Variants in C6orf89 observed in about 807,000 individuals in gnomAD.
C6orf89 encodes the protein bombesin receptor-activated protein C6orf89.
Under a neutral mutation model 40.7 loss-of-function variants are expected in C6orf89, and 29 were observed. The observed-to-expected ratio is 0.71, with a 90% CI of 0.53 to 0.97. The LOEUF (loss-of-function observed/expected upper bound fraction) is 0.97, where lower values mean the gene tolerates loss of function less well. Ranked by LOEUF, C6orf89 falls within the 50% of genes least tolerant of loss-of-function variation. The pLI, the probability that C6orf89 is intolerant of heterozygous loss-of-function variation, is 0.00. For synonymous variants in C6orf89, 165 were observed against 152.2 expected (o/e 1.08, Z -0.62); for missense variants, 392 against 429.1 (o/e 0.91, Z 0.76).
chr6:36,881,502 G>A (rs556492071), upstream of C6orf89, among the ~76,000 whole-genome samples: 7 of 152,196 alleles, frequency 4.6e-5, no homozygotes, highest in East Asian at 1.9e-4. Flanking sequence ...GTGAAATGCC[G>A]TTTCTACTAA....
chr6:36,898,055 C>T (rs1761508057), intron 2 of C6orf89, among the ~76,000 whole-genome samples: 1 of 152,028 alleles, frequency 6.6e-6, no homozygotes, highest in African/African-American at 2.4e-5. Context: ...ACTTAAACAC[C>T]TTTTTAAATA....
At chr6:36,920,382 T>C (rs1762471371) in intron 8 of C6orf89, among the ~76,000 whole-genome samples, 1 of 152,246 alleles carries the variant, frequency 6.6e-6, no homozygotes. Flanking sequence ...CAGCCGAGTT[T>C]TCTTGGAAGA....
intron 1 of C6orf89, among the ~76,000 whole-genome samples, chr6:36,876,495 C>T (rs563483551): frequency 1.1e-4 from 16 of 152,138 alleles, no homozygotes; most frequent in East Asian, 3.9e-4. Flanking sequence ...GAGGCCGAGG[C>T]GGGCAGATCA....
At chr6:36,879,997 G>A (rs1306321469) in intron 2 of C6orf89, among the ~76,000 whole-genome samples, 1 of 152,178 alleles carries the variant, frequency 6.6e-6, no homozygotes, top group Non-Finnish European at 1.5e-5. Context: ...TCACACTGGC[G>A]GTTCCAGTTC....
intron 8 of C6orf89, among the ~76,000 whole-genome samples, chr6:36,922,719 T>G (rs1170721618): frequency 1.3e-5 from 2 of 152,248 alleles, no homozygotes; most frequent in Non-Finnish European, 2.9e-5. Context: ...AGGACACTAC[T>G]GTTTGCCAAA....
chr6:36,885,242 C>T (rs745431203), upstream of C6orf89, among the ~76,000 whole-genome samples: 7 of 152,238 alleles, frequency 4.6e-5, no homozygotes, highest in Non-Finnish European at 8.8e-5. Context: ...CAACCACTCA[C>T]AGCCTGCTGA....
chr6:36,916,787 T>C (rs563186853), intron 7 of C6orf89, among the ~76,000 whole-genome samples: 1 of 152,328 alleles, frequency 6.6e-6, no homozygotes, highest in Admixed American at 6.5e-5. Context: ...AAAATCTAGT[T>C]ACCTTGCAAA....
intron 4 of C6orf89, among the ~76,000 whole-genome samples, chr6:36,906,862 A>C (rs1242370687): frequency 6.6e-6 from 1 of 152,240 alleles, no homozygotes; most frequent in Non-Finnish European, 1.5e-5. Flanking sequence ...GAACTTTGTC[A>C]TGGGCTTTGC....
At chr6:36,907,177 A>G (rs1232143483) in intron 4 of C6orf89, among the ~76,000 whole-genome samples, 1 of 152,146 alleles carries the variant, frequency 6.6e-6, no homozygotes, top group Non-Finnish European at 1.5e-5. Flanking sequence ...AACAAAACAG[A>G]CAAAACCACT....
Position 36,914,330 on chromosome 6 carries a change from G to A in C6orf89, c.450G>A (p.Glu150=). ...ACGACTGTGAGCAGAATGAGTCAGA[G>A]CCCATTCCTGCCAACTGCACTGGCT... ...WTNDCEQNES[E]PIPANCTGCA... Residue 150 remains glutamate (E), a synonymous_variant, in exon 5 of 9, where the codon GAG becomes GAA. Coordinates refer to ENST00000480824, the MANE Select transcript of C6orf89 (RefSeq NM_001286635.2). 1.2e-6 allele frequency: 2 copies of A among 1,614,150 alleles called. No homozygotes were observed. Among genetic ancestry groups the A allele is most frequent in the Non-Finnish European group, 1.7e-6 (2 of 1,180,028 alleles).
At chr6:36,921,912 C>A (rs1583206353) in intron 8 of C6orf89, among the ~76,000 whole-genome samples, 2 of 152,260 alleles carry the variant, frequency 1.3e-5, no homozygotes, top group Middle Eastern at 6.8e-3. Flanking sequence ...CCTGTAGTTC[C>A]AGCTACTCAG....
intron 1 of C6orf89, among the ~76,000 whole-genome samples, chr6:36,878,381 C>T (rs893194486): frequency 1.3e-5 from 2 of 152,184 alleles, no homozygotes; most frequent in African/African-American, 2.4e-5. Flanking sequence ...AGAGATTTGG[C>T]GCTACACACA....
chr6:36,908,598 G>A (rs1251536291), intron 4 of C6orf89, among the ~76,000 whole-genome samples: 1 of 151,992 alleles, frequency 6.6e-6, no homozygotes, highest in Non-Finnish European at 1.5e-5. Flanking sequence ...TATATAAATA[G>A]AAATACTTTT....
chr6:36,914,482 G>T, intron 5 of C6orf89, 47 bp downstream of exon 5: 1 of 1,612,518 alleles, frequency 6.2e-7, no homozygotes, highest in Non-Finnish European at 8.5e-7. Flanking sequence ...TTGCTTAAAG[G>T]CTAGGTCAAG....
intron 1 of C6orf89, among the ~76,000 whole-genome samples, chr6:36,889,575 A>G (rs1010163258): frequency 3.4e-5 from 5 of 146,596 alleles, no homozygotes; most frequent in Non-Finnish European, 6.1e-5. Context: ...AGACCAAAAA[A>G]CAAAAACAAA....
rs750328979 is a variant in C6orf89, at chr6:36,902,332, A to G, written c.301A>G (p.Ile101Val). The change falls in exon 4 of 9, where the codon ATC becomes GTC. Residue 101 changes from isoleucine to valine, a missense_variant. Transcript: ENST00000480824. ...TGGAGCTCACACCTGGCGCTCACTC[A>G]TCCATCACATTAGGCTGATGTCCTT... ...LSGAHTWRSL[I>V]HHIRLMSLPI... 6.2e-7 allele frequency: 1 copy of G among 1,614,158 alleles called. No individual in the cohort carries two copies. The highest frequency in any genetic ancestry group is 1.3e-5 in the African/African-American group (1 of 75,032).
At chr6:36,915,026 G>C (rs1762265483) in intron 6 of C6orf89, among the ~76,000 whole-genome samples, 2 of 152,118 alleles carry the variant, frequency 1.3e-5, no homozygotes. Flanking sequence ...CTTAGCGTGC[G>C]AGTAGGAAAG....
chr6:36,891,395 G>A (rs796542249), intron 1 of C6orf89, among the ~76,000 whole-genome samples: 6 of 152,268 alleles, frequency 3.9e-5, no homozygotes, highest in African/African-American at 1.2e-4. Context: ...GTCTATCATT[G>A]ATGGACATTT....
chr6:36,895,505 T>A (rs988738854), intron 2 of C6orf89, among the ~76,000 whole-genome samples: 1 of 152,192 alleles, frequency 6.6e-6, no homozygotes, highest in Non-Finnish European at 1.5e-5. Context: ...TATATCTCTA[T>A]AGATTTGCCT....
Sources: allele counts gnomAD v4.1 joint callset (sites outside exome capture counted in the v4.1 genomes callset), GRCh38; gene constraint gnomAD v4.1.1; transcripts MANE v1.5; gene names NCBI Gene and HGNC (gene_info 2026-07-23, HGNC 2026-07-21).